The following CABCOCO1 variants were observed in gnomAD, a reference collection of about 807,000 sequenced individuals.
CABCOCO1 encodes ciliary associated calcium binding coiled-coil 1, also known as ciliary-associated calcium-binding coiled-coil protein 1.
CABCOCO1 carries 28 observed loss-of-function variants against 35.7 expected under a neutral mutation model. That is an observed-to-expected ratio of 0.78 (90% CI 0.58 to 1.07). The LOEUF (loss-of-function observed/expected upper bound fraction) is 1.07, where lower values mean the gene tolerates loss of function less well. CABCOCO1 is among the 50% of genes least tolerant of loss of function. The pLI, the probability that CABCOCO1 is intolerant of heterozygous loss-of-function variation, is 0.00. For missense variants in CABCOCO1, 326 were observed against 309.2 expected (o/e 1.05, Z -0.41); for synonymous variants, 95 against 100.1 (o/e 0.95, Z 0.30).
chr10:61,737,179 G>A (rs1397878510), intron 5 of CABCOCO1, among the ~76,000 whole-genome samples: 1 of 151,588 alleles, frequency 6.6e-6, no homozygotes, highest in Admixed American at 6.6e-5. Context: ...ACATACATGC[G>A]ACCAACAAGC....
chr10:61,713,753 A>T (rs930329430), intron 5 of CABCOCO1, among the ~76,000 whole-genome samples: 4 of 152,188 alleles, frequency 2.6e-5, no homozygotes, highest in Admixed American at 1.3e-4. Flanking sequence ...CCTTTTCTGC[A>T]TCTATTGAGA....
intron 3 of CABCOCO1, among the ~76,000 whole-genome samples, chr10:61,684,523 C>T (rs1439026444): frequency 6.6e-6 from 1 of 152,142 alleles, no homozygotes; most frequent in Non-Finnish European, 1.5e-5. Flanking sequence ...CCACCCATTC[C>T]CTTCCAAATC....
At chr10:61,718,726 A>G (rs1482511316) in intron 5 of CABCOCO1, among the ~76,000 whole-genome samples, 2 of 152,172 alleles carry the variant, frequency 1.3e-5, no homozygotes, top group East Asian at 3.8e-4. Flanking sequence ...AAAATAAAAT[A>G]TTTACCAATT....
At chr10:61,757,851 A>G (rs1024695757) in intron 5 of CABCOCO1, among the ~76,000 whole-genome samples, 4 of 152,030 alleles carry the variant, frequency 2.6e-5, no homozygotes, top group Non-Finnish European at 4.4e-5. Context: ...CTTACATTTA[A>G]GTGTATAATG....
chr10:61,691,567 A>T (rs1307140191), intron 5 of CABCOCO1, among the ~76,000 whole-genome samples: 2 of 152,152 alleles, frequency 1.3e-5, no homozygotes, highest in Non-Finnish European at 1.5e-5. Context: ...ATAGGTATAC[A>T]CATGCCATGG....
chr10:61,705,272 C>A (rs1454358860), intron 5 of CABCOCO1, among the ~76,000 whole-genome samples: 1 of 152,154 alleles, frequency 6.6e-6, no homozygotes, highest in Non-Finnish European at 1.5e-5. Flanking sequence ...AGCTACTGTA[C>A]AGTTAAAGCT....
At chr10:61,670,658 T>A (rs1839327972) in intron 1 of CABCOCO1, among the ~76,000 whole-genome samples, 1 of 152,190 alleles carries the variant, frequency 6.6e-6, no homozygotes, top group South Asian at 2.1e-4. Context: ...TGGAACTCAA[T>A]CGCATGGAAG....
At chr10:61,671,067 C>T (rs932141411) in intron 1 of CABCOCO1, among the ~76,000 whole-genome samples, 6 of 152,216 alleles carry the variant, frequency 3.9e-5, no homozygotes, top group Non-Finnish European at 8.8e-5. Context: ...TGGCCCACGC[C>T]TGTAATCCCA....
chr10:61,708,982 T>C (rs190954918), intron 5 of CABCOCO1, among the ~76,000 whole-genome samples: 10 of 152,244 alleles, frequency 6.6e-5, no homozygotes, highest in Admixed American at 6.5e-4. Flanking sequence ...TTCATTTCTT[T>C]AAAAAACCTC....
At chr10:61,723,550 A>G (rs187135058) in intron 5 of CABCOCO1, among the ~76,000 whole-genome samples, 6 of 152,312 alleles carry the variant, frequency 3.9e-5, no homozygotes, top group Non-Finnish European at 7.4e-5. Flanking sequence ...GATGGAAACA[A>G]TAGAAATTTG....
At chr10:61,669,257 G>A (rs923938543) in intron 1 of CABCOCO1, among the ~76,000 whole-genome samples, 2 of 151,904 alleles carry the variant, frequency 1.3e-5, no homozygotes, top group African/African-American at 4.8e-5. Flanking sequence ...GTTGACATTA[G>A]AGAGGGAAAA....
intron 5 of CABCOCO1, among the ~76,000 whole-genome samples, chr10:61,720,694 G>GT (rs1840983831): frequency 6.6e-6 from 1 of 151,644 alleles, no homozygotes. Context: ...TGTGGTGGGG[G>GT]GGCAGGTAAT....
At chr10:61,732,229 C>T (rs1841319645) in intron 5 of CABCOCO1, among the ~76,000 whole-genome samples, 1 of 151,968 alleles carries the variant, frequency 6.6e-6, no homozygotes, top group Non-Finnish European at 1.5e-5. Context: ...CCTGGATTCC[C>T]CAGGGGAGTG....
At chr10:61,676,277 C>A (rs1329135150) in intron 2 of CABCOCO1, among the ~76,000 whole-genome samples, 1 of 152,118 alleles carries the variant, frequency 6.6e-6, no homozygotes, top group Non-Finnish European at 1.5e-5. Flanking sequence ...AAAAATAAAT[C>A]AGTTCATTGG....
intron 5 of CABCOCO1, among the ~76,000 whole-genome samples, chr10:61,739,626 A>G (rs1274217485): frequency 6.6e-6 from 1 of 152,138 alleles, no homozygotes; most frequent in East Asian, 1.9e-4. Context: ...ATGCTAGCAT[A>G]TAGCAACGGT....
intron 5 of CABCOCO1, among the ~76,000 whole-genome samples, chr10:61,730,652 G>A (rs1037257715): frequency 6.6e-6 from 1 of 151,974 alleles, no homozygotes. Flanking sequence ...ATTATTAACT[G>A]TTTATTAAGT....
intron 1 of CABCOCO1, among the ~76,000 whole-genome samples, chr10:61,669,220 A>G (rs1038910903): frequency 6.6e-6 from 1 of 151,930 alleles, no homozygotes; most frequent in African/African-American, 2.4e-5. Context: ...CTAGAAAGAA[A>G]AAATATATAC....
intron 5 of CABCOCO1, among the ~76,000 whole-genome samples, chr10:61,749,036 A>G (rs1447958022): frequency 6.6e-6 from 1 of 152,242 alleles, no homozygotes; most frequent in Non-Finnish European, 1.5e-5. Context: ...GTGGTGAACA[A>G]TCGGGCTATA....
chr10:61,673,689 C>A (rs569344475), intron 2 of CABCOCO1, among the ~76,000 whole-genome samples: 2 of 152,298 alleles, frequency 1.3e-5, no homozygotes, highest in East Asian at 1.9e-4. Flanking sequence ...CACTGACAGG[C>A]CTTTTCCTGA....
Sources: gnomAD v4.1 joint callset for allele counts (sites outside exome capture counted in the v4.1 genomes callset) on GRCh38, gnomAD v4.1.1 for gene constraint, MANE v1.5 for transcripts, NCBI Gene and HGNC (gene_info 2026-07-23, HGNC 2026-07-21) for gene names.